CKMT2: variants seen among roughly 807,000 people sequenced by gnomAD.
The protein encoded by CKMT2 is creatine kinase S-type, mitochondrial.
CKMT2 carries 43 observed loss-of-function variants against 48.9 expected under a neutral mutation model. The ratio of observed to expected loss-of-function variants is 0.88; its 90% CI spans 0.69 to 1.13. The LOEUF is 1.13. Among genes scored for constraint, CKMT2 ranks in the 50% most tolerant of loss-of-function variants. The pLI is 0.00. For synonymous variants in CKMT2, 206 were observed against 213.0 expected, an observed-to-expected ratio of 0.97 and a Z score of 0.29; for missense variants, 472 against 555.4, an observed-to-expected ratio of 0.85 and a Z score of 1.51.
intron 5 of CKMT2, among the ~76,000 whole-genome samples, chr5:81,256,597 T>C (rs561449126): frequency 1.3e-5 from 2 of 152,334 alleles, no homozygotes; most frequent in East Asian, 1.9e-4. Context: ...TTGGTGTTGG[T>C]AGTGTATACC....
chr5:81,240,344 G>T (rs1293735966), intron 1 of CKMT2, among the ~76,000 whole-genome samples: 1 of 152,224 alleles, frequency 6.6e-6, no homozygotes, highest in Non-Finnish European at 1.5e-5. Flanking sequence ...GACCAGGGAG[G>T]ATCTGAGGCA....
Position 81,255,765 on chromosome 5 carries a change from C to T in CKMT2, c.669+551C>T, listed in dbSNP as rs531004175. Reference sequence around the variant, plus strand: ...AAAACTCAAGTCCCTTACTTATTTTCGTCTTAGCACAGCTAAAACAAGATG... The same window carrying T: ...AAAACTCAAGTCCCTTACTTATTTTTGTCTTAGCACAGCTAAAACAAGATG... On this transcript the variant is annotated intron_variant, in intron 5 of 9. Transcript: ENST00000254035. 5.3e-5 allele frequency among the ~76,000 whole-genome samples: 8 copies of T among 151,560 alleles called. No homozygotes were observed. The East Asian group carries it at 5.8e-4, about 11-fold the overall frequency.
intron 1 of CKMT2, chr5:81,236,124 TGAG>T (rs979149669): frequency 6.6e-6 from 1 of 152,220 alleles, no homozygotes; most frequent in African/African-American, 2.4e-5. Context: ...AGCGGGAGCC[TGAG>T]GACAGGGAAA....
chr5:81,255,237 TG>T (rs1278068183), intron 5 of CKMT2, 23 bp downstream of exon 5: 2 of 1,606,136 alleles, frequency 1.2e-6, no homozygotes, highest in Non-Finnish European at 1.7e-6. Context: ...TGGGGCTCCC[TG>T]GGGAAGGACT....
At chr5:81,241,749 G>A (rs73768052) in intron 1 of CKMT2, among the ~76,000 whole-genome samples, 2,683 of 152,320 alleles carry the variant, frequency 0.018, 72 homozygotes, top group African/African-American at 0.06. Flanking sequence ...TAAAAGGGTG[G>A]GATGTCTGTC....
rs1757372469 is a variant in CKMT2 at position 81,265,989 on chromosome 5, T to C, written c.1141-150T>C. The C allele has an allele frequency of 6.3e-6, 4 of 635,194 alleles. No individual in the cohort carries two copies. The South Asian group carries it at 7.4e-5, about 12-fold the overall frequency. 39.3% of individuals were successfully genotyped at this position (635,194 alleles called of 1,614,324 possible). ...ATGGAAAGATTGAGAGAAACCCTTA[T>C]ATCTCTGCCTTCCATTTCTGAGAAG... On this transcript the variant is annotated intron_variant, in intron 9 of 9. Coordinates refer to ENST00000254035, the MANE Select transcript of CKMT2 (RefSeq NM_001099735.2).
intron 1 of CKMT2, chr5:81,244,240 A>T (rs1405773529): frequency 2.1e-6 from 2 of 952,068 alleles, no homozygotes; most frequent in African/African-American, 3.5e-5. Context: ...CATGGCTCAT[A>T]GAAATCGCAA....
At chr5:81,250,940 A>AAAACACACACACACACACACACAC (rs373408385) in intron 1 of CKMT2, among the ~76,000 whole-genome samples, 173 bp from the exon 2 acceptor site, 29 of 133,076 alleles carry the variant, frequency 2.2e-4, no homozygotes, top group African/African-American at 7.8e-4. Context: ...AGAAATAGAA[A>AAAACACACACACACACACACACAC]ACACACACAC....
intron 1 of CKMT2, among the ~76,000 whole-genome samples, chr5:81,240,470 G>C (rs1756398875): frequency 6.6e-6 from 1 of 152,214 alleles, no homozygotes; most frequent in African/African-American, 2.4e-5. Context: ...GGGTGTGCAG[G>C]GGTCTATTCA....
intron 7 of CKMT2, 87 bp from the exon 8 acceptor site, chr5:81,259,033 C>A: frequency 7.7e-7 from 1 of 1,298,236 alleles, no homozygotes; most frequent in South Asian, 1.5e-5. Context: ...GAGGAGGGTA[C>A]ACATCTCTCT....
chr5:81,249,464 C>T (rs1189186131), intron 1 of CKMT2, among the ~76,000 whole-genome samples: 4 of 152,206 alleles, frequency 2.6e-5, no homozygotes, highest in South Asian at 2.1e-4. Context: ...CAAAGAGCCA[C>T]ATTACACAGC....
chr5:81,250,744 G>A (rs1353037947), intron 1 of CKMT2: 1 of 155,762 alleles, frequency 6.4e-6, no homozygotes, highest in Non-Finnish European at 1.4e-5. Context: ...GGGTCTAGTT[G>A]TGATGCAGTG....
At chr5:81,264,825 T>A (rs181222171) in intron 9 of CKMT2, among the ~76,000 whole-genome samples, 1 of 152,260 alleles carries the variant, frequency 6.6e-6, no homozygotes, top group Admixed American at 6.5e-5. Flanking sequence ...GTGAACATTA[T>A]TCTAAATGGC....
intron 1 of CKMT2, among the ~76,000 whole-genome samples, chr5:81,241,944 C>T (rs1023496565): frequency 6.7e-6 from 1 of 150,174 alleles, no homozygotes; most frequent in Non-Finnish European, 1.5e-5. Flanking sequence ...AATCTGCCTG[C>T]TCAGTCAGAA....
At chr5:81,261,822 A>G (rs907917077) in intron 8 of CKMT2, among the ~76,000 whole-genome samples, 3 of 152,062 alleles carry the variant, frequency 2.0e-5, no homozygotes, top group Non-Finnish European at 2.9e-5. Flanking sequence ...CATTGACTTC[A>G]CAGAATTAGA....
intron 9 of CKMT2, 135 bp downstream of exon 9, chr5:81,263,751 C>CT (rs1757308420): frequency 1.6e-6 from 1 of 633,042 alleles, no homozygotes; most frequent in African/African-American, 1.9e-5. Flanking sequence ...GTTATGTTAG[C>CT]TTTTCATTCT....
chr5:81,237,560 ATTTTC>A (rs1561274741), intron 1 of CKMT2: 1 of 152,068 alleles, frequency 6.6e-6, no homozygotes, highest in Non-Finnish European at 1.5e-5. Flanking sequence ...ACACATCAAA[ATTTTC>A]TTTTTTAGGT....
At chr5:81,261,729 T>C (rs1757231724) in intron 8 of CKMT2, among the ~76,000 whole-genome samples, 1 of 152,226 alleles carries the variant, frequency 6.6e-6, no homozygotes, top group Non-Finnish European at 1.5e-5. Flanking sequence ...TCCATGCTCA[T>C]GGATAGGAAG....
At chr5:81,253,041 A>G in intron 3 of CKMT2, 148 bp downstream of exon 3, 1 of 791,266 alleles carries the variant, frequency 1.3e-6, no homozygotes, top group Non-Finnish European at 2.1e-6. Flanking sequence ...GCTCCAGCAG[A>G]ACCATCTGGA....
Sources: gnomAD v4.1 joint callset for allele counts (sites outside exome capture counted in the v4.1 genomes callset) on GRCh38, gnomAD v4.1.1 for gene constraint, MANE v1.5 for transcripts, NCBI Gene and HGNC (gene_info 2026-07-23, HGNC 2026-07-21) for gene names.